SHISA9: variants seen among roughly 807,000 people sequenced by gnomAD.
SHISA9 encodes shisa family member 9, also known as protein shisa-9.
Under a neutral mutation model 38.0 loss-of-function variants are expected in SHISA9, and 13 were observed. The ratio of observed to expected loss-of-function variants is 0.34; its 90% CI spans 0.22 to 0.54. The LOEUF is 0.54. Ranked by LOEUF, SHISA9 falls within the 20% of genes least tolerant of loss-of-function variation. The probability of loss-of-function intolerance (pLI) is 0.91; values close to 1 mark genes in which losing one functional copy is unlikely to be tolerated. For synonymous variants in SHISA9, 275 were observed against 242.0 expected, an observed-to-expected ratio of 1.14 and a Z score of -1.27; for missense variants, 538 against 575.8, an observed-to-expected ratio of 0.93 and a Z score of 0.67.
intron 2 of SHISA9, among the ~76,000 whole-genome samples, chr16:13,012,403 G>A (rs1177545250): frequency 2.0e-5 from 3 of 152,144 alleles, no homozygotes; most frequent in Non-Finnish European, 4.4e-5. Context: ...CAGAGGGAAC[G>A]TGAGTGCAAG....
the SHISA9 span, among the ~76,000 whole-genome samples, chr16:13,347,519 T>C: frequency 1.3e-5 from 2 of 152,176 alleles, no homozygotes; most frequent in Non-Finnish European, 2.9e-5. Flanking sequence ...GGGACAATAG[T>C]TGTTTAGAGC....
the SHISA9 span, among the ~76,000 whole-genome samples, chr16:13,420,364 T>C: frequency 6.7e-6 from 1 of 149,830 alleles, no homozygotes; most frequent in African/African-American, 2.5e-5. Context: ...CAGATAAATA[T>C]GATCCTCCCC....
At chr16:13,323,228 C>G in the SHISA9 span, among the ~76,000 whole-genome samples, 1 of 152,164 alleles carries the variant, frequency 6.6e-6, no homozygotes, top group Admixed American at 6.5e-5. Flanking sequence ...TATAATTATT[C>G]CGTCTCCACC....
At chr16:13,430,809 C>CT in the SHISA9 span, among the ~76,000 whole-genome samples, 1 of 151,136 alleles carries the variant, frequency 6.6e-6, no homozygotes, top group Non-Finnish European at 1.5e-5. Context: ...GTCCCAGCTA[C>CT]TTGGGAGGTC....
intron 4 of SHISA9, among the ~76,000 whole-genome samples, chr16:13,218,693 G>A (rs191104293): frequency 1.4e-4 from 21 of 152,266 alleles, no homozygotes; most frequent in South Asian, 4.1e-4. Flanking sequence ...GACAATGTAC[G>A]TAAAATCGCT....
chr16:13,200,409 AACACAC>A (rs148088145), intron 2 of SHISA9, among the ~76,000 whole-genome samples: 19 of 136,626 alleles, frequency 1.4e-4, no homozygotes, highest in South Asian at 7.0e-4. Context: ...TATATCATGA[AACACAC>A]ACACACACAC....
At chr16:13,562,540 G>C in the SHISA9 span, among the ~76,000 whole-genome samples, 7 of 148,598 alleles carry the variant, frequency 4.7e-5, no homozygotes, top group Non-Finnish European at 1.5e-5. Flanking sequence ...TGAGGCGGGA[G>C]AATCTCTTGA....
At chr16:13,324,314 T>C in the SHISA9 span, among the ~76,000 whole-genome samples, 1 of 152,288 alleles carries the variant, frequency 6.6e-6, no homozygotes, top group African/African-American at 2.4e-5. Context: ...GTATCTTTGC[T>C]CTAGACTGAG....
the SHISA9 span, among the ~76,000 whole-genome samples, chr16:13,260,826 T>G: frequency 2.6e-5 from 4 of 152,330 alleles, no homozygotes; most frequent in East Asian, 7.7e-4. Context: ...TACTTCATTT[T>G]CATGCTGCTG....
chr16:13,034,430 T>A (rs185078307), intron 2 of SHISA9, among the ~76,000 whole-genome samples: 1 of 152,314 alleles, frequency 6.6e-6, no homozygotes, highest in East Asian at 1.9e-4. Flanking sequence ...ATGTTCTTTC[T>A]TCTGAGATCA....
chr16:13,074,030 C>A (rs1468528085), intron 2 of SHISA9, among the ~76,000 whole-genome samples: 1 of 142,758 alleles, frequency 7.0e-6, no homozygotes, highest in Admixed American at 7.1e-5. Flanking sequence ...AATGCAGTGG[C>A]GTGATCTTGG....
chr16:12,965,322 G>A (rs1436324527), intron 2 of SHISA9, among the ~76,000 whole-genome samples: 2 of 152,124 alleles, frequency 1.3e-5, no homozygotes, highest in African/African-American at 4.8e-5. Flanking sequence ...TCACAAAATT[G>A]TTCCACTATC....
the SHISA9 span, among the ~76,000 whole-genome samples, chr16:13,426,949 C>CA: frequency 2.0e-5 from 3 of 152,224 alleles, no homozygotes; most frequent in Non-Finnish European, 4.4e-5. Context: ...AGGCAACCCC[C>CA]AAATCCTGGA....
the SHISA9 span, among the ~76,000 whole-genome samples, chr16:13,459,918 ATTTT>A: frequency 6.6e-6 from 1 of 151,996 alleles, no homozygotes; most frequent in East Asian, 1.9e-4. Flanking sequence ...GATTATGAAT[ATTTT>A]TTTAACAGGG....
At chr16:13,267,580 T>G in the SHISA9 span, among the ~76,000 whole-genome samples, 1 of 152,200 alleles carries the variant, frequency 6.6e-6, no homozygotes, top group Admixed American at 6.5e-5. Flanking sequence ...TGTTCTGTAT[T>G]AAAAACTCTG....
intron 2 of SHISA9, among the ~76,000 whole-genome samples, chr16:13,155,892 G>T (rs2142008235): frequency 6.6e-6 from 1 of 151,904 alleles, no homozygotes; most frequent in East Asian, 1.9e-4. Context: ...GAGGGAATGT[G>T]CTTGGAAACA....
At chr16:13,430,319 G>A in the SHISA9 span, among the ~76,000 whole-genome samples, 7 of 152,114 alleles carry the variant, frequency 4.6e-5, no homozygotes, top group Admixed American at 6.5e-5. Context: ...AACTTTGGAC[G>A]CGGAAACCAT....
At chr16:13,168,471 A>G (rs545184156) in intron 2 of SHISA9, among the ~76,000 whole-genome samples, 19 of 152,190 alleles carry the variant, frequency 1.2e-4, no homozygotes, top group Non-Finnish European at 7.3e-5. Flanking sequence ...TGGCCAACAT[A>G]TAATCACATG....
At chr16:12,916,620 A>G in intron 1 of SHISA9, 68 bp from the exon 2 acceptor site, 1 of 1,510,176 alleles carries the variant, frequency 6.6e-7, no homozygotes, top group Admixed American at 2.1e-5. Context: ...CGACTGCAGT[A>G]CTCGGCGCAT....
Sources: allele counts gnomAD v4.1 joint callset (sites outside exome capture counted in the v4.1 genomes callset), GRCh38; gene constraint gnomAD v4.1.1; transcripts MANE v1.5; gene names NCBI Gene and HGNC (gene_info 2026-07-23, HGNC 2026-07-21).